Variants in ARL15 observed in about 807,000 individuals in gnomAD.
ARL15 encodes ADP-ribosylation factor-like protein 15.
ARL15 carries 19 observed loss-of-function variants against 25.2 expected under a neutral mutation model. The ratio of observed to expected loss-of-function variants is 0.75; its 90% CI spans 0.53 to 1.10. The LOEUF is 1.10. Ranked by LOEUF, ARL15 falls within the 50% of genes least tolerant of loss-of-function variation. The probability of loss-of-function intolerance (pLI) is 0.00; values close to 1 mark genes in which losing one functional copy is unlikely to be tolerated. For synonymous variants in ARL15, 94 were observed against 86.8 expected (o/e 1.08, Z -0.46); for missense variants, 220 against 246.0 (o/e 0.89, Z 0.71).
At chr5:54,268,220 T>A (rs967560533) in intron 1 of ARL15, among the ~76,000 whole-genome samples, 1 of 152,212 alleles carries the variant, frequency 6.6e-6, no homozygotes, top group Non-Finnish European at 1.5e-5. Flanking sequence ...ATTCATTTCA[T>A]CTTCCATCAC....
intron 4 of ARL15, among the ~76,000 whole-genome samples, chr5:54,038,547 A>C (rs981894349): frequency 2.0e-5 from 3 of 152,154 alleles, no homozygotes; most frequent in Admixed American, 6.5e-5. Flanking sequence ...AAACAATGAA[A>C]TACCTTAAAG....
intron 3 of ARL15, among the ~76,000 whole-genome samples, chr5:54,116,604 A>G (rs2112229456): frequency 6.6e-6 from 1 of 152,326 alleles, no homozygotes; most frequent in East Asian, 1.9e-4. Context: ...GAATGCTTTC[A>G]TTGAGTTTCT....
intron 1 of ARL15, among the ~76,000 whole-genome samples, chr5:54,194,535 CAA>C: frequency 6.6e-6 from 1 of 152,074 alleles, no homozygotes; most frequent in South Asian, 2.1e-4. Flanking sequence ...TCCAGAAACA[CAA>C]TTCAAATGAA....
intron 4 of ARL15, among the ~76,000 whole-genome samples, chr5:53,994,179 A>G (rs1748595024): frequency 6.6e-6 from 1 of 152,182 alleles, no homozygotes. Flanking sequence ...ATAGTATTCC[A>G]CCTGAAGAAT....
At chr5:54,126,756 G>C (rs1753265276) in intron 3 of ARL15, among the ~76,000 whole-genome samples, 1 of 152,208 alleles carries the variant, frequency 6.6e-6, no homozygotes. Flanking sequence ...TTTGCCAAGT[G>C]CCAATGCCAT....
intron 4 of ARL15, among the ~76,000 whole-genome samples, chr5:54,052,580 T>C (rs979531211): frequency 1.3e-5 from 2 of 152,236 alleles, no homozygotes; most frequent in African/African-American, 4.8e-5. Context: ...GATTTCTCAC[T>C]GTTTTACTGA....
chr5:54,087,362 T>C (rs562482404), intron 4 of ARL15, among the ~76,000 whole-genome samples: 1 of 152,232 alleles, frequency 6.6e-6, no homozygotes, highest in South Asian at 2.1e-4. Context: ...TCATATAACC[T>C]ATACATGGTA....
At chr5:54,071,979 G>GAAAAAAAAA (rs71989027) in intron 4 of ARL15, among the ~76,000 whole-genome samples, 416 of 126,116 alleles carry the variant, frequency 3.3e-3, no homozygotes, top group African/African-American at 6.2e-3. Flanking sequence ...CTCAAAAAAA[G>GAAAAAAAAA]AAAAAAAAAA....
intron 4 of ARL15, among the ~76,000 whole-genome samples, chr5:53,902,965 T>C (rs1317059314): frequency 2.6e-5 from 4 of 152,142 alleles, no homozygotes; most frequent in Non-Finnish European, 4.4e-5. Context: ...CCAGGTGCCA[T>C]GTCAGTCACG....
In ARL15 at chr5:54,092,160, G is replaced by A. The variant is rs114062094; in HGVS notation, c.462+21042C>T. Among the ~76,000 whole-genome samples the A allele has an allele frequency of 5.4e-3, 824 of 152,050 alleles. 10 individuals carry two copies. Among genetic ancestry groups the A allele is most frequent in the South Asian group, 9.2e-3 (44 of 4,808 alleles). On this transcript the variant is annotated intron_variant, in intron 4 of 4. Transcript: ENST00000504924. The stretch of plus-strand genomic sequence containing the variant: ...GGTTGAAAATACACGTACAAATATA[G>A]TCTCCTGGTGAAGCTCTGTGCTATG...
At chr5:54,309,584 T>C (rs774076792) in intron 1 of ARL15, among the ~76,000 whole-genome samples, 2 of 152,230 alleles carry the variant, frequency 1.3e-5, no homozygotes, top group African/African-American at 4.8e-5. Context: ...ACAATAATCG[T>C]ATAGGATCGA....
intron 4 of ARL15, among the ~76,000 whole-genome samples, chr5:54,084,457 G>C (rs1261551486): frequency 1.3e-5 from 2 of 149,248 alleles, no homozygotes; most frequent in African/African-American, 4.9e-5. Flanking sequence ...GTAACTTAAA[G>C]TGATCTAAAT....
intron 4 of ARL15, among the ~76,000 whole-genome samples, chr5:54,013,696 G>C (rs1749314826): frequency 1.3e-5 from 2 of 152,058 alleles, no homozygotes; most frequent in Admixed American, 6.6e-5. Context: ...CCTGCATCCT[G>C]GCAACTGACT....
At chr5:53,964,429 G>C (rs189323964) in intron 4 of ARL15, among the ~76,000 whole-genome samples, 100 of 151,992 alleles carry the variant, frequency 6.6e-4, no homozygotes, top group African/African-American at 2.3e-3. Context: ...GCGTGATCTC[G>C]GCTCACTGCA....
chr5:54,148,911 CACAT>C (rs1254369908), intron 3 of ARL15, among the ~76,000 whole-genome samples: 1 of 152,176 alleles, frequency 6.6e-6, no homozygotes, highest in Non-Finnish European at 1.5e-5. Context: ...TATCAATTCA[CACAT>C]ACAATTTCAA....
chr5:54,100,655 TA>T, intron 4 of ARL15, among the ~76,000 whole-genome samples: 1 of 152,254 alleles, frequency 6.6e-6, no homozygotes, highest in South Asian at 2.1e-4. Context: ...TTAATTTTCT[TA>T]AAAGTGTTTT....
chr5:54,078,832 C>A (rs1228627703), intron 4 of ARL15, among the ~76,000 whole-genome samples: 1 of 152,042 alleles, frequency 6.6e-6, no homozygotes, highest in Non-Finnish European at 1.5e-5. Context: ...TAAAAATCAG[C>A]TTAAAATAAT....
intron 3 of ARL15, among the ~76,000 whole-genome samples, chr5:54,135,396 G>A (rs541262194): frequency 2.6e-5 from 4 of 152,256 alleles, no homozygotes; most frequent in Non-Finnish European, 4.4e-5. Flanking sequence ...CAGGAGACAA[G>A]GAGGATCGTG....
chr5:53,995,907 A>G (rs1381507516), intron 4 of ARL15, among the ~76,000 whole-genome samples: 1 of 152,188 alleles, frequency 6.6e-6, no homozygotes, highest in African/African-American at 2.4e-5. Context: ...AGAAACAAAA[A>G]CAGAATAAGG....
Sources: gnomAD v4.1 joint callset for allele counts (sites outside exome capture counted in the v4.1 genomes callset) on GRCh38, gnomAD v4.1.1 for gene constraint, MANE v1.5 for transcripts, NCBI Gene and HGNC (gene_info 2026-07-23, HGNC 2026-07-21) for gene names.